Variants in RAB38 observed in about 807,000 individuals in gnomAD.
RAB38 encodes ras-related protein Rab-38.
RAB38 carries 15 observed loss-of-function variants against 18.4 expected under a neutral mutation model. The ratio of observed to expected loss-of-function variants is 0.82; its 90% CI spans 0.55 to 1.26. The LOEUF (loss-of-function observed/expected upper bound fraction) is 1.26. Among genes scored for constraint, RAB38 ranks in the 50% most tolerant of loss-of-function variants. RAB38 has a pLI of 0.00. For synonymous variants in RAB38, 101 were observed against 104.4 expected, an observed-to-expected ratio of 0.97 and a Z score of 0.20; for missense variants, 294 against 267.4, an observed-to-expected ratio of 1.10 and a Z score of -0.69.
At chr11:88,130,638 A>C (rs1942755678) in intron 2 of RAB38, among the ~76,000 whole-genome samples, 1 of 152,204 alleles carries the variant, frequency 6.6e-6, no homozygotes, top group Admixed American at 6.5e-5. Context: ...CCCTGCTGAC[A>C]AGGTGACTAT....
At chr11:87,899,625 C>T in the RAB38 span, among the ~76,000 whole-genome samples, 35 of 151,698 alleles carry the variant, frequency 2.3e-4, 1 homozygote, top group Non-Finnish European at 3.8e-4. Context: ...TTCCTCTCTA[C>T]CCCAATGTCC....
chr11:88,024,154 G>A, the RAB38 span, among the ~76,000 whole-genome samples: 1 of 152,058 alleles, frequency 6.6e-6, no homozygotes, highest in Admixed American at 6.5e-5. Context: ...CATCTGACAA[G>A]GGATTAGTAA....
the RAB38 span, among the ~76,000 whole-genome samples, chr11:88,105,712 A>G: frequency 6.6e-6 from 1 of 152,170 alleles, no homozygotes; most frequent in African/African-American, 2.4e-5. Context: ...AAGACCCTGC[A>G]TAGTTCAGCT....
the RAB38 span, among the ~76,000 whole-genome samples, chr11:87,893,286 T>TTGTGTG: frequency 1.4e-3 from 190 of 139,220 alleles, 1 homozygote; most frequent in East Asian, 4.2e-3. Context: ...TTTCCAGATT[T>TTGTGTG]TGTGTGTGTG....
chr11:87,901,968 G>A, the RAB38 span, among the ~76,000 whole-genome samples: 1 of 148,144 alleles, frequency 6.8e-6, no homozygotes, highest in Non-Finnish European at 1.5e-5. Flanking sequence ...TAACTTTTAT[G>A]CTAAGGAAGG....
chr11:87,869,303 C>A, the RAB38 span, among the ~76,000 whole-genome samples: 1 of 140,514 alleles, frequency 7.1e-6, no homozygotes, highest in Admixed American at 7.0e-5. Context: ...ATCTTCCTAA[C>A]ACTCATGTGG....
the RAB38 span, among the ~76,000 whole-genome samples, chr11:87,896,257 G>T: frequency 6.6e-6 from 1 of 151,778 alleles, no homozygotes; most frequent in East Asian, 2.0e-4. Flanking sequence ...TTTAGAAGGA[G>T]ACCATGCCAA....
At chr11:88,109,526 C>T (rs1003855696), downstream of RAB38, among the ~76,000 whole-genome samples, 2 of 152,152 alleles carry the variant, frequency 1.3e-5, no homozygotes, top group Non-Finnish European at 2.9e-5. Context: ...CAAATGGGAT[C>T]TAATCAAACT....
At chr11:88,168,017 G>GT (rs1336722557) in intron 1 of RAB38, among the ~76,000 whole-genome samples, 9 of 152,320 alleles carry the variant, frequency 5.9e-5, no homozygotes, top group African/African-American at 2.2e-4. Context: ...AGAAAGGATT[G>GT]TAAGTGTAAC....
the RAB38 span, among the ~76,000 whole-genome samples, chr11:87,847,993 A>G: frequency 6.6e-6 from 1 of 152,182 alleles, no homozygotes; most frequent in Non-Finnish European, 1.5e-5. Flanking sequence ...GTATACAATG[A>G]AAGTCTACTA....
the RAB38 span, chr11:87,816,214 T>C: frequency 1.3e-5 from 2 of 152,424 alleles, no homozygotes. Flanking sequence ...TTATAGTCCA[T>C]GTAGCAATAA....
At chr11:87,933,776 A>G in the RAB38 span, among the ~76,000 whole-genome samples, 1 of 151,986 alleles carries the variant, frequency 6.6e-6, no homozygotes, top group Admixed American at 6.6e-5. Flanking sequence ...TCCTACCTAC[A>G]TTGGCATTTT....
the RAB38 span, among the ~76,000 whole-genome samples, chr11:87,859,525 G>A: frequency 9.9e-5 from 15 of 151,964 alleles, no homozygotes; most frequent in Non-Finnish European, 2.2e-4. Flanking sequence ...TGATGGAAGC[G>A]CAATTTGCCA....
chr11:88,156,095 T>C (rs1014058232), intron 1 of RAB38, among the ~76,000 whole-genome samples: 3 of 152,068 alleles, frequency 2.0e-5, no homozygotes, highest in African/African-American at 7.2e-5. Flanking sequence ...AAACCTGGAA[T>C]ACATATTTGG....
chr11:88,067,952 T>C, the RAB38 span, among the ~76,000 whole-genome samples: 1 of 142,766 alleles, frequency 7.0e-6, no homozygotes, highest in African/African-American at 2.6e-5. Flanking sequence ...TATATACATA[T>C]ATATACTTAT....
the RAB38 span, among the ~76,000 whole-genome samples, chr11:87,960,388 G>GAAAAAAAAAAAAAAAAAAA: frequency 7.0e-6 from 1 of 142,160 alleles, no homozygotes; most frequent in Non-Finnish European, 1.5e-5. Flanking sequence ...ACAAAAAAAA[G>GAAAAAAAAAAAAAAAAAAA]AAAAAAAGAG....
chr11:88,072,688 A>G, the RAB38 span, among the ~76,000 whole-genome samples: 2 of 152,178 alleles, frequency 1.3e-5, no homozygotes, highest in Admixed American at 6.5e-5. Context: ...TTTTAAACTG[A>G]ATATTTATGA....
the RAB38 span, among the ~76,000 whole-genome samples, chr11:87,905,905 C>A: frequency 6.6e-6 from 1 of 151,904 alleles, no homozygotes; most frequent in African/African-American, 2.4e-5. Context: ...CAGTCCCTTA[C>A]ATTATGTCCA....
chr11:87,862,188 C>G, the RAB38 span, among the ~76,000 whole-genome samples: 609 of 151,686 alleles, frequency 4.0e-3, 7 homozygotes, highest in African/African-American at 0.014. Flanking sequence ...TATCAATTGT[C>G]TATATACAGA....
Sources: allele counts gnomAD v4.1 joint callset (sites outside exome capture counted in the v4.1 genomes callset), GRCh38; gene constraint gnomAD v4.1.1; transcripts MANE v1.5; gene names NCBI Gene and HGNC (gene_info 2026-07-23, HGNC 2026-07-21).